The following NEIL2 variants were observed in gnomAD, a reference collection of about 807,000 sequenced individuals.
The protein encoded by NEIL2 is endonuclease 8-like 2.
NEIL2 carries 23 observed loss-of-function variants against 22.2 expected under a neutral mutation model. The ratio of observed to expected loss-of-function variants is 1.04; its 90% confidence interval spans 0.75 to 1.47. The LOEUF is 1.47. Ranked by LOEUF, NEIL2 falls within the 40% of genes most tolerant of loss-of-function variation. NEIL2 has a pLI of 0.00. For missense variants in NEIL2, 583 were observed against 404.7 expected (o/e 1.44, Z -3.78); for synonymous variants, 229 against 164.8 (o/e 1.39, Z -2.99).
In NEIL2 at chr8:11,771,250, C is replaced by G. The variant is rs8191530; in HGVS notation, c.-2-196C>G. Among the ~76,000 whole-genome samples, 4,661 of 152,272 alleles carry G rather than the reference C, an allele frequency of 0.031. 162 individuals carry two copies. The highest frequency in any genetic ancestry group is 0.18 in the East Asian group (922 of 5,180). ...GTAAGAGGGGCTGCCTTTCCTGCTA[C>G]GTTTCCCACACCCTGCCACAGCTGC... On this transcript the variant is annotated intron_variant, in intron 1 of 4. Coordinates refer to ENST00000284503, the MANE Select transcript of NEIL2 (RefSeq NM_145043.4).
rs1164365431 is a variant in NEIL2 at position 11,779,709 on chromosome 8, G to C, written c.250G>C (p.Ala84Pro). Residue 84 changes from alanine (A) to proline (P), a missense_variant, in exon 3 of 5, where the codon GCG becomes CCG. Transcript: ENST00000284503. ...PQKEVQKEGA[A>P]DPKQVGEPSG... ...AAAAGAAGTGCAGAAGGAAGGGGCT[G>C]CGGACCCAAAGCAGGTCGGGGAGCC... 6.2e-7 allele frequency: 1 copy of C among 1,614,072 alleles called. No homozygotes were observed. The highest frequency in any genetic ancestry group is 1.3e-5 in the African/African-American group (1 of 74,938).
intron 2 of NEIL2, among the ~76,000 whole-genome samples, chr8:11,778,998 A>G (rs8191602): frequency 0.033 from 4,677 of 143,050 alleles, 223 homozygotes; most frequent in East Asian, 0.26. Flanking sequence ...CACATTTTCT[A>G]TATTTATTTT....
At chr8:11,778,333 C>G (rs919523976) in intron 2 of NEIL2, among the ~76,000 whole-genome samples, 2 of 136,260 alleles carry the variant, frequency 1.5e-5, no homozygotes, top group African/African-American at 2.7e-5. Context: ...TAAACCATTT[C>G]TAATATGTGG....
In NEIL2 at chr8:11,786,529, A is replaced by G. The variant is rs1284547610; in HGVS notation, c.*256A>G. ...GTGAAAGATGGGAAAAATCGTGATG[A>G]TGGGTAAGGGGAAAACTTCCCGGAA... is the stretch of plus-strand genomic sequence containing the variant. On this transcript the variant is annotated 3_prime_UTR_variant, in exon 5 of 5. Coordinates refer to ENST00000284503, the MANE Select transcript of NEIL2 (RefSeq NM_145043.4). The G allele has an allele frequency of 1.3e-5, 7 of 519,696 alleles. No individual in the cohort carries two copies. Among genetic ancestry groups the G allele is most frequent in the East Asian group, 3.5e-5 (1 of 28,318 alleles). The allele number at this position is 519,696 out of a possible 1,614,324, so 32.2% of individuals were successfully genotyped here. A position where few individuals can be genotyped will look rare whatever the true frequency, so the allele number is the denominator to read the frequency against.
intron 2 of NEIL2, among the ~76,000 whole-genome samples, chr8:11,774,486 C>A (rs1384328385): frequency 1.3e-5 from 2 of 152,184 alleles, no homozygotes; most frequent in African/African-American, 4.8e-5. Flanking sequence ...AGGTCCGTCC[C>A]ATAACACATG....
At chr8:11,771,817 G>A (rs1803473196) in intron 2 of NEIL2, among the ~76,000 whole-genome samples, 2 of 152,172 alleles carry the variant, frequency 1.3e-5, no homozygotes, top group Admixed American at 1.3e-4. Context: ...GATTCAGAGG[G>A]TCTGGAGTGC....
intron 2 of NEIL2, among the ~76,000 whole-genome samples, chr8:11,773,706 G>C (rs1803668136): frequency 6.6e-6 from 1 of 152,164 alleles, no homozygotes; most frequent in Admixed American, 6.5e-5. Flanking sequence ...GAGTTGATGA[G>C]GCAGGAGGGA....
chr8:11,770,753 G>T (rs1237313452), intron 1 of NEIL2, among the ~76,000 whole-genome samples: 1 of 152,074 alleles, frequency 6.6e-6, no homozygotes, highest in Non-Finnish European at 1.5e-5. Flanking sequence ...GCTGTCAGTG[G>T]ACTGGGATGA....
chr8:11,776,766 C>G (rs139026716), intron 2 of NEIL2, among the ~76,000 whole-genome samples: 4 of 152,198 alleles, frequency 2.6e-5, no homozygotes, highest in African/African-American at 9.6e-5. Context: ...TGGGTTCTCT[C>G]TTCCTTGGGG....
At position 11,786,072 on chromosome 8, in the gene NEIL2, G is replaced by A. The variant is rs781633089; in HGVS notation, c.798G>A (p.Glu266=). Residue 266 remains glutamate (E), a synonymous_variant, in exon 5 of 5, where the codon GAG becomes GAA. Transcript: ENST00000284503. ...RREVLVDHVV[E]FSTAWLQGKF... ...AGGTCCTGGTGGATCACGTGGTGGA[G>A]TTCAGTACAGCCTGGCTGCAGGGCA... 23 of 1,614,062 alleles carry A rather than the reference G, an allele frequency of 1.4e-5. No individual in the cohort carries two copies. The East Asian group carries it at 4.2e-4, about 30-fold the overall frequency.
Position 11,779,685 on chromosome 8 carries a change from A to G in NEIL2, c.226A>G (p.Lys76Glu). ...CAGCCCAACACCAGAGCCTCCACAA[A>G]AAGAAGTGCAGAAGGAAGGGGCTGC... Reference protein sequence around the residue: ...GSSPTPEPPQKEVQKEGAADP... With the variant: ...GSSPTPEPPQEEVQKEGAADP... Residue 76 changes from lysine (K) to glutamate (E), a missense_variant, in exon 3 of 5, where the codon AAA (lysine) becomes GAA (glutamate). Lys to Glu is a moderately conservative substitution (Grantham distance 56). Transcript: ENST00000284503. The G allele has an allele frequency of 6.2e-7, 1 of 1,614,014 alleles. No homozygotes were observed. Among genetic ancestry groups the G allele is most frequent in the Non-Finnish European group, 8.5e-7 (1 of 1,179,984 alleles).
Position 11,779,826 on chromosome 8 carries a change from C to G in NEIL2, c.367C>G (p.Pro123Ala), listed in dbSNP as rs201231951. ...TTCTGAGTATTTGGAGAGAGACGCCCCTGCAGGAGATGCTGGGAGGTGGCT... is the reference window on the plus strand; with the variant it reads ...TTCTGAGTATTTGGAGAGAGACGCCGCTGCAGGAGATGCTGGGAGGTGGCT... ...DDSEYLERDA[P>A]AGDAGRWLRV... Residue 123 changes from proline (P) to alanine (A), a missense_variant, in exon 3 of 5, where the codon CCT becomes GCT. Physicochemically the swap from Pro to Ala is conservative, Grantham distance 27. Transcript: ENST00000284503. The G allele has an allele frequency of 3.7e-6, 6 of 1,614,002 alleles. No homozygotes were observed. The highest frequency in any genetic ancestry group is 5.1e-6 in the Non-Finnish European group (6 of 1,180,026).
chr8:11,785,833 A>C, intron 4 of NEIL2, 130 bp from the exon 5 acceptor site: 6 of 817,310 alleles, frequency 7.3e-6, no homozygotes, highest in Non-Finnish European at 1.3e-5. Context: ...AAATGGAGTC[A>C]GAGATCGCAG....
Position 11,779,967 on chromosome 8 carries a change from C to A in NEIL2, c.491+17C>A, listed in dbSNP as rs755901068. The A allele has an allele frequency of 6.2e-7, 1 of 1,607,504 alleles. No homozygotes were observed. The highest frequency in any genetic ancestry group is 1.7e-5 in the Admixed American group (1 of 60,000). On this transcript the variant is annotated intron_variant, in intron 3 of 4. Transcript: ENST00000284503. ...TTCCCCGAGGTAATGGTGTGGCCAT[C>A]TGATTTTCGTGGGCTCTGATAGTCA...
intron 2 of NEIL2, 121 bp from the exon 3 acceptor site, chr8:11,779,477 C>T: frequency 1.2e-6 from 1 of 846,796 alleles, no homozygotes; most frequent in East Asian, 2.4e-5. Context: ...CCAAAGACTT[C>T]ATTTGGGAAG....
At chr8:11,783,099 T>A in intron 3 of NEIL2, 104 bp from the exon 4 acceptor site, 1 of 925,916 alleles carries the variant, frequency 1.1e-6, no homozygotes. Context: ...TATGTTGTGG[T>A]AACGATGTGG....
intron 3 of NEIL2, 200 bp from the exon 4 acceptor site, chr8:11,783,003 C>T (rs1804568300): frequency 2.8e-5 from 18 of 651,828 alleles, no homozygotes; most frequent in Non-Finnish European, 4.9e-5. Context: ...TGTGCATGAT[C>T]CAGCCACAGA....
intron 2 of NEIL2, among the ~76,000 whole-genome samples, chr8:11,773,783 A>C (rs1016544279): frequency 6.6e-6 from 1 of 152,144 alleles, no homozygotes; most frequent in East Asian, 1.9e-4. Flanking sequence ...TCCATTTTCT[A>C]TATAGGAGTT....
rs1203889986 is a variant in NEIL2, at chr8:11,770,230, G to A, written c.-108G>A. The A allele has an allele frequency of 6.6e-6, 1 of 152,178 alleles. No homozygotes were observed. Among genetic ancestry groups the A allele is most frequent in the African/African-American group, 2.4e-5 (1 of 41,432 alleles). The allele number at this position is 152,178 out of a possible 1,614,324, so 9.4% of individuals were successfully genotyped here. A position where few individuals can be genotyped will look rare whatever the true frequency, so the allele number is the denominator to read the frequency against. ...TCCATCTCCATAAAAATCCCTAAAC[G>A]AAACATGCCCACGTGTCCGGAGATT... On this transcript the variant is annotated 5_prime_UTR_variant, in exon 1 of 5. Transcript: ENST00000284503.
Sources: allele counts gnomAD v4.1 joint callset (sites outside exome capture counted in the v4.1 genomes callset), GRCh38; gene constraint gnomAD v4.1.1; transcripts MANE v1.5; gene names NCBI Gene and HGNC (gene_info 2026-07-23, HGNC 2026-07-21).